Variants in SYT16 observed in about 807,000 individuals in gnomAD.
The protein encoded by SYT16 is synaptotagmin-16.
SYT16 carries 42 observed loss-of-function variants against 61.4 expected under a neutral mutation model. That is an observed-to-expected ratio of 0.68 (90% CI 0.53 to 0.89). The LOEUF (loss-of-function observed/expected upper bound fraction) is 0.89, where lower values mean the gene tolerates loss of function less well. Ranked by LOEUF, SYT16 falls within the 40% of genes least tolerant of loss-of-function variation. The pLI is 0.00. For missense variants in SYT16, 804 were observed against 807.3 expected, an observed-to-expected ratio of 1.00 and a Z score of 0.05; for synonymous variants, 314 against 302.3, an observed-to-expected ratio of 1.04 and a Z score of -0.40.
chr14:62,007,639 T>C (rs2053276317), intron 3 of SYT16, among the ~76,000 whole-genome samples: 1 of 152,116 alleles, frequency 6.6e-6, no homozygotes, highest in Non-Finnish European at 1.5e-5. Flanking sequence ...CAAAATCCTA[T>C]GTGGACAGAA....
intron 2 of SYT16, among the ~76,000 whole-genome samples, chr14:61,992,825 A>G (rs995485365): frequency 2.6e-5 from 4 of 152,112 alleles, no homozygotes; most frequent in African/African-American, 7.2e-5. Context: ...GAAACATTCA[A>G]ATTAATTTTT....
intron 3 of SYT16, among the ~76,000 whole-genome samples, chr14:62,018,410 C>T (rs1165514673): frequency 2.0e-5 from 3 of 146,704 alleles, no homozygotes; most frequent in Non-Finnish European, 4.5e-5. Flanking sequence ...CAGGATCAAG[C>T]GATTCTCCTA....
intron 1 of SYT16, among the ~76,000 whole-genome samples, chr14:61,863,265 C>G (rs991989359): frequency 2.0e-5 from 3 of 150,332 alleles, no homozygotes; most frequent in Admixed American, 6.6e-5. Context: ...CCTGTTGTTC[C>G]GCAACCTCTC....
In SYT16 at chr14:61,996,401, A is replaced by G. The variant is rs2052771975; in HGVS notation, c.382A>G (p.Ser128Gly). The change falls in exon 3 of 8, where the codon AGT becomes GGT. Residue 128 changes from serine (S) to glycine (G), a missense_variant. Coordinates refer to ENST00000683842, the MANE Select transcript of SYT16 (RefSeq NM_001367656.1). ...AATGTCCCAGTGGCCCAATTGGGCCAGTGATGACCGCAAGTTACCACATGT... is the reference window on the plus strand; with the variant it reads ...AATGTCCCAGTGGCCCAATTGGGCCGGTGATGACCGCAAGTTACCACATGT... The part of the protein sequence containing the change: ...STMSQWPNWA[S>G]DDRKLPHVLS... 1.9e-6 allele frequency: 3 copies of G among 1,613,568 alleles called. No homozygotes were observed. The highest frequency in any genetic ancestry group is 2.5e-6 in the Non-Finnish European group (3 of 1,179,594).
intron 3 of SYT16, among the ~76,000 whole-genome samples, chr14:62,053,522 A>G (rs972693149): frequency 6.6e-6 from 1 of 152,204 alleles, no homozygotes; most frequent in African/African-American, 2.4e-5. Flanking sequence ...AAATCTTTCT[A>G]TACACATTTA....
chr14:61,868,089 G>T (rs1293377247), intron 1 of SYT16, among the ~76,000 whole-genome samples: 1 of 151,764 alleles, frequency 6.6e-6, no homozygotes, highest in Non-Finnish European at 1.5e-5. Context: ...CTATATTCTT[G>T]TTCATGAAAA....
chr14:61,907,579 CA>C (rs1256699251), intron 1 of SYT16, among the ~76,000 whole-genome samples: 5 of 152,184 alleles, frequency 3.3e-5, no homozygotes, highest in African/African-American at 1.2e-4. Flanking sequence ...CTGGAGGCCA[CA>C]GTTGCTCACC....
At chr14:61,935,565 G>A (rs1027571439) in intron 1 of SYT16, among the ~76,000 whole-genome samples, 1 of 152,080 alleles carries the variant, frequency 6.6e-6, no homozygotes, top group African/African-American at 2.4e-5. Flanking sequence ...TACCAGTGAG[G>A]GTAAGAAAAC....
intron 1 of SYT16, among the ~76,000 whole-genome samples, chr14:61,922,384 A>G (rs2140407291): frequency 6.6e-6 from 1 of 152,332 alleles, no homozygotes; most frequent in Middle Eastern, 3.4e-3. Context: ...CTTTTCAGGA[A>G]CATGGATGGA....
At position 61,952,950 on chromosome 14, in the gene SYT16, CTGAG is replaced by C. The variant is rs527506030; in HGVS notation, c.-324-17180_-324-17177del. On this transcript the variant is annotated intron_variant, in intron 1 of 7. Transcript: ENST00000683842. ...AGTTTCAGAAATTTTAGAAAAATGA[CTGAG>C]TATCTATGAATATTATTACGCTTAT... is the stretch of plus-strand genomic sequence containing the variant. 1.6e-4 allele frequency among the ~76,000 whole-genome samples: 24 copies of C among 152,222 alleles called. No individual in the cohort carries two copies. The East Asian group carries it at 1.9e-3, about 12-fold the overall frequency.
chr14:61,827,173 G>C (rs2045798897), intron 1 of SYT16, among the ~76,000 whole-genome samples: 1 of 152,168 alleles, frequency 6.6e-6, no homozygotes, highest in Non-Finnish European at 1.5e-5. Flanking sequence ...GTTGGCTGCT[G>C]GATCTGGTGG....
intron 3 of SYT16, among the ~76,000 whole-genome samples, chr14:62,016,539 C>CAAA (rs10610233): frequency 2.1e-5 from 2 of 97,298 alleles, no homozygotes; most frequent in Non-Finnish European, 4.2e-5. Context: ...TCTAAAAATA[C>CAAA]AAAAAAAAAA....
intron 1 of SYT16, among the ~76,000 whole-genome samples, chr14:61,917,467 A>G (rs975613367): frequency 6.6e-6 from 1 of 152,168 alleles, no homozygotes; most frequent in Non-Finnish European, 1.5e-5. Context: ...GAAGGAAGCT[A>G]TCTTCTACTA....
intron 3 of SYT16, among the ~76,000 whole-genome samples, chr14:62,039,380 C>T (rs1244799039): frequency 6.6e-6 from 1 of 152,116 alleles, no homozygotes; most frequent in African/African-American, 2.4e-5. Context: ...CTTATAGATT[C>T]ATAAAGTATT....
rs935746217 is a variant in SYT16, at chr14:62,106,597, T to C, written c.*5890T>C. Reference sequence around the variant, plus strand: ...AATCAACAATAACACTCCAGGCCTGTCTTCTTCCACTTTGGACATTTTTTC... The same window carrying C: ...AATCAACAATAACACTCCAGGCCTGCCTTCTTCCACTTTGGACATTTTTTC... On this transcript the variant is annotated 3_prime_UTR_variant, in exon 8 of 8. Transcript: ENST00000683842. The C allele has an allele frequency of 2.0e-5, 3 of 152,192 alleles. No individual in the cohort carries two copies. Among genetic ancestry groups the C allele is most frequent in the African/African-American group, 7.2e-5 (3 of 41,432 alleles). The allele number at this position is 152,192 out of a possible 1,614,324, so 9.4% of individuals were successfully genotyped here.
At position 61,875,938 on chromosome 14, in the gene SYT16, G is replaced by A. The variant is rs143432622; in HGVS notation, c.-325+63128G>A. Among the ~76,000 whole-genome samples the A allele has an allele frequency of 9.5e-3, 1,452 of 152,348 alleles. 9 individuals are homozygous for A. The highest frequency in any genetic ancestry group is 0.034 in the Middle Eastern group (10 of 294). On this transcript the variant is annotated intron_variant, in intron 1 of 7. Coordinates refer to ENST00000683842, the MANE Select transcript of SYT16 (RefSeq NM_001367656.1). ...AGTCTTTGGTATTTTTGCAGTCATT[G>A]TGGAAGGTGACCACTGCCTTGTTAG...
chr14:62,028,364 C>T (rs1046695889), intron 3 of SYT16, among the ~76,000 whole-genome samples: 31 of 152,294 alleles, frequency 2.0e-4, no homozygotes, highest in African/African-American at 6.7e-4. Flanking sequence ...ATCATTCAAT[C>T]CTCCCAACAA....
chr14:61,922,669 C>A (rs1212467193), intron 1 of SYT16, among the ~76,000 whole-genome samples: 3 of 152,280 alleles, frequency 2.0e-5, no homozygotes, highest in Non-Finnish European at 4.4e-5. Flanking sequence ...CAAACTTGTA[C>A]ATGTGCCCCT....
rs561593380 is a variant in SYT16, at chr14:61,821,184, AC to A, written c.-325+8378del. Among the ~76,000 whole-genome samples, 14 of 135,182 alleles carry A rather than the reference AC, an allele frequency of 1.0e-4. No individual in the cohort carries two copies. The South Asian group carries it at 2.5e-3, about 24-fold the overall frequency. 88.7% of individuals were successfully genotyped at this position (135,182 alleles called of 152,430 possible). ...CTCCACAAGAAAAAGGTAGAGGATG[AC>A]CCCTCTCCCTTAACCCCTATCATCC... On this transcript the variant is annotated intron_variant, in intron 1 of 7. Transcript: ENST00000683842.
Sources: gnomAD v4.1 joint callset for allele counts (sites outside exome capture counted in the v4.1 genomes callset) on GRCh38, gnomAD v4.1.1 for gene constraint, MANE v1.5 for transcripts, NCBI Gene and HGNC (gene_info 2026-07-23, HGNC 2026-07-21) for gene names.